The following ELFN2 variants were observed in gnomAD, a reference collection of about 807,000 sequenced individuals.
The protein encoded by ELFN2 is extracellular leucine rich repeat and fibronectin type III domain containing 2.
ELFN2 carries 17 observed loss-of-function variants against 45.5 expected under a neutral mutation model. The ratio of observed to expected loss-of-function variants is 0.37; its 90% CI spans 0.26 to 0.56. The LOEUF (loss-of-function observed/expected upper bound fraction) is 0.56. Ranked by LOEUF, ELFN2 falls within the 20% of genes least tolerant of loss-of-function variation. The pLI, the probability that ELFN2 is intolerant of heterozygous loss-of-function variation, is 0.77. For synonymous variants in ELFN2, 550 were observed against 551.5 expected (o/e 1.00, Z 0.04); for missense variants, 922 against 1,183.2 (o/e 0.78, Z 3.24).
chr22:37,359,732 C>T (rs1931036025), intron 1 of ELFN2, among the ~76,000 whole-genome samples: 2 of 152,216 alleles, frequency 1.3e-5, no homozygotes, highest in African/African-American at 4.8e-5. Flanking sequence ...AGACGAGCCC[C>T]AGACTTGGAG....
At chr22:37,388,253 T>C (rs1932004479) in intron 2 of ELFN2, among the ~76,000 whole-genome samples, 1 of 152,112 alleles carries the variant, frequency 6.6e-6, no homozygotes, top group Admixed American at 6.5e-5. Flanking sequence ...TGGGAGCCGC[T>C]GCCTGTTCTG....
At chr22:37,351,574 C>T (rs1393584777) in intron 1 of ELFN2, among the ~76,000 whole-genome samples, 1 of 146,484 alleles carries the variant, frequency 6.8e-6, no homozygotes, top group African/African-American at 2.7e-5. Context: ...CCCCATGCTC[C>T]AGCGTCCCCC....
intron 2 of ELFN2, among the ~76,000 whole-genome samples, chr22:37,407,666 G>T (rs1021683948): frequency 6.6e-6 from 1 of 152,016 alleles, no homozygotes; most frequent in African/African-American, 2.4e-5. Flanking sequence ...GGGAGGCTGA[G>T]GTGGGCGGAT....
chr22:37,360,919 C>T (rs1466480824), intron 1 of ELFN2, among the ~76,000 whole-genome samples: 5 of 152,182 alleles, frequency 3.3e-5, no homozygotes, highest in South Asian at 4.1e-4. Flanking sequence ...CGGCGCTCCC[C>T]TCTAGTGCTA....
At chr22:37,386,705 G>C (rs1193723459) in intron 2 of ELFN2, among the ~76,000 whole-genome samples, 1 of 152,184 alleles carries the variant, frequency 6.6e-6, no homozygotes. Flanking sequence ...AACTCCCCGG[G>C]GAGGGCCGCC....
intron 1 of ELFN2, among the ~76,000 whole-genome samples, chr22:37,345,636 C>A (rs111976049): frequency 0.019 from 2,863 of 151,920 alleles, 89 homozygotes; most frequent in African/African-American, 0.065. Context: ...CAGCCTCTGC[C>A]TCCCAGGTTC....
At chr22:37,388,327 C>G (rs545648159) in intron 2 of ELFN2, among the ~76,000 whole-genome samples, 1 of 152,264 alleles carries the variant, frequency 6.6e-6, no homozygotes, top group South Asian at 2.1e-4. Flanking sequence ...CCCACAGCCC[C>G]CTGTGCTTCC....
At chr22:37,412,968 G>A (rs552025780) in intron 2 of ELFN2, among the ~76,000 whole-genome samples, 59 of 152,308 alleles carry the variant, frequency 3.9e-4, no homozygotes, top group East Asian at 7.7e-4. Context: ...CAGTGTGGGC[G>A]GGGACCTCTG....
intron 2 of ELFN2, among the ~76,000 whole-genome samples, chr22:37,393,110 T>C (rs1932125792): frequency 6.6e-6 from 1 of 152,210 alleles, no homozygotes; most frequent in Non-Finnish European, 1.5e-5. Context: ...TGACAGCTGC[T>C]GTGTGACCTT....
At chr22:37,420,281 C>G (rs906891544) in intron 1 of ELFN2, 1 of 152,338 alleles carries the variant, frequency 6.6e-6, no homozygotes, top group Non-Finnish European at 1.5e-5. Flanking sequence ...AGCCATCGCG[C>G]ACCCGCCCCG....
At chr22:37,410,582 C>T (rs1932622648) in intron 2 of ELFN2, among the ~76,000 whole-genome samples, 2 of 152,276 alleles carry the variant, frequency 1.3e-5, no homozygotes, top group Admixed American at 6.5e-5. Flanking sequence ...ACTCCCAAAG[C>T]CCCTCCCTCC....
intron 1 of ELFN2, chr22:37,354,913 A>G (rs1930913628): frequency 6.6e-6 from 1 of 152,162 alleles, no homozygotes; most frequent in Non-Finnish European, 1.5e-5. Flanking sequence ...TGCCACAGTA[A>G]ATACAGGACA....
In ELFN2 at chr22:37,427,434, G is replaced by C. The variant is rs1932862455; in HGVS notation, c.-750C>G. 1 of 152,916 alleles carries C rather than the reference G, an allele frequency of 6.5e-6. No individual in the cohort carries two copies. Among genetic ancestry groups the C allele is most frequent in the Non-Finnish European group, 1.5e-5 (1 of 68,592 alleles). The allele number at this position is 152,916 out of a possible 1,614,324, so 9.5% of individuals were successfully genotyped here. On this transcript the variant is annotated 5_prime_UTR_variant, in exon 1 of 3. Transcript: ENST00000402918. Reference sequence around the variant, plus strand: ...GGGGTGCGTGGCCGTGGGGTGGCCCGCGTGTGTCTGTGTGTGTGTCTGGGA... The same window carrying C: ...GGGGTGCGTGGCCGTGGGGTGGCCCCCGTGTGTCTGTGTGTGTGTCTGGGA...
At chr22:37,423,311 C>T (rs953847659) in intron 1 of ELFN2, among the ~76,000 whole-genome samples, 1 of 152,288 alleles carries the variant, frequency 6.6e-6, no homozygotes. Context: ...AAAGGGCGTC[C>T]GCCACCCCCA....
chr22:37,398,797 C>T (rs138803086), intron 2 of ELFN2, among the ~76,000 whole-genome samples: 6 of 152,238 alleles, frequency 3.9e-5, no homozygotes, highest in Admixed American at 2.0e-4. Context: ...CACACATGTA[C>T]ACCTCTCCAG....
At chr22:37,343,774 C>T (rs1277912885) in intron 1 of ELFN2, among the ~76,000 whole-genome samples, 1 of 151,054 alleles carries the variant, frequency 6.6e-6, no homozygotes, top group Non-Finnish European at 1.5e-5. Flanking sequence ...GTCCCTCCAG[C>T]CCTATCTAGC....
intron 1 of ELFN2, among the ~76,000 whole-genome samples, chr22:37,351,416 C>T (rs770428839): frequency 4.7e-5 from 7 of 150,198 alleles, no homozygotes; most frequent in Non-Finnish European, 9.0e-5. Flanking sequence ...CTAGCCCTGC[C>T]CTTCTCCACC....
At chr22:37,390,493 C>T (rs566948695) in intron 2 of ELFN2, among the ~76,000 whole-genome samples, 2 of 152,350 alleles carry the variant, frequency 1.3e-5, no homozygotes, top group Admixed American at 6.5e-5. Context: ...AAGGGCCCAG[C>T]GTGAGCCCCA....
chr22:37,425,871 A>T (rs1339158962), intron 1 of ELFN2, among the ~76,000 whole-genome samples: 2 of 19,026 alleles, frequency 1.1e-4, no homozygotes, highest in African/African-American at 7.2e-4. Flanking sequence ...ACATACACAT[A>T]CACACACACA....
Sources: allele counts gnomAD v4.1 joint callset (sites outside exome capture counted in the v4.1 genomes callset), GRCh38; gene constraint gnomAD v4.1.1; transcripts MANE v1.5; gene names NCBI Gene and HGNC (gene_info 2026-07-23, HGNC 2026-07-21).